The following GUCY2C variants were observed in gnomAD, a reference collection of about 807,000 sequenced individuals.
GUCY2C encodes the protein guanylate cyclase 2C.
In GUCY2C, 118 loss-of-function variants were observed where a neutral mutation model predicts 131.1. The ratio of observed to expected loss-of-function variants is 0.90; its 90% confidence interval spans 0.78 to 1.05. The LOEUF is 1.05. Among genes scored for constraint, GUCY2C ranks in the 50% least tolerant of loss-of-function variants. The probability of loss-of-function intolerance (pLI) is 0.00; values close to 1 mark genes in which losing one functional copy is unlikely to be tolerated. For missense variants in GUCY2C, 1,161 were observed against 1,304.4 expected (o/e 0.89, Z 1.69); for synonymous variants, 452 against 457.8 (o/e 0.99, Z 0.16).
At chr12:14,685,305 G>T (rs1042665452) in intron 3 of GUCY2C, among the ~76,000 whole-genome samples, 2 of 152,180 alleles carry the variant, frequency 1.3e-5, no homozygotes, top group Admixed American at 6.5e-5. Context: ...CTGAAAAAGT[G>T]CTCAGTGAAC....
At position 14,696,243 on chromosome 12, in the gene GUCY2C, A is replaced by G; in HGVS notation, c.206T>C (p.Leu69Pro). ...TAACATTTTCTTACCAGCATTTTGC[A>G]GACGTCCTCTCACTATTTCCAGCCC... ...NEGLEIVRGR[L>P]QNAGLNVTVN... is the part of the protein sequence containing the mutation. The change falls in exon 1 of 27, where the codon CTG (leucine) becomes CCG (proline). Residue 69 changes from leucine to proline, a missense_variant. Transcript: ENST00000261170. 1.2e-6 allele frequency: 2 copies of G among 1,613,194 alleles called. No individual in the cohort carries two copies. The highest frequency in any genetic ancestry group is 1.7e-6 in the Non-Finnish European group (2 of 1,179,108).
chr12:14,619,345 A>G (rs1279647461), intron 23 of GUCY2C, 36 bp from the exon 24 acceptor site: 1 of 1,332,010 alleles, frequency 7.5e-7, no homozygotes, highest in Admixed American at 1.7e-5. Context: ...AGTGGAGGCA[A>G]TAGAAATTGC....
At chr12:14,667,046 T>C (rs1947996432) in intron 10 of GUCY2C, among the ~76,000 whole-genome samples, 2 of 152,110 alleles carry the variant, frequency 1.3e-5, no homozygotes, top group Non-Finnish European at 2.9e-5. Context: ...AGTTCAACCA[T>C]TGAGGAAGTC....
intron 1 of GUCY2C, among the ~76,000 whole-genome samples, chr12:14,689,947 C>T (rs918627402): frequency 3.9e-5 from 6 of 152,204 alleles, no homozygotes; most frequent in Non-Finnish European, 7.3e-5. Flanking sequence ...AGTTAATTAT[C>T]ATCTATTTTT....
At chr12:14,680,074 G>T (rs1460201867) in intron 5 of GUCY2C, among the ~76,000 whole-genome samples, 1 of 151,864 alleles carries the variant, frequency 6.6e-6, no homozygotes, top group Non-Finnish European at 1.5e-5. Context: ...CAAGTTCAGT[G>T]CTTATTCCAT....
At chr12:14,637,196 CAAA>C (rs3083857) in intron 19 of GUCY2C, among the ~76,000 whole-genome samples, 2 of 123,402 alleles carry the variant, frequency 1.6e-5, no homozygotes, top group Non-Finnish European at 3.3e-5. Context: ...CAATAGCTAC[CAAA>C]AAAAAAAAAA....
chr12:14,624,850 G>A (rs1182387236), intron 21 of GUCY2C, among the ~76,000 whole-genome samples: 1 of 152,188 alleles, frequency 6.6e-6, no homozygotes, highest in Admixed American at 6.5e-5. Context: ...CCACTTGAGT[G>A]ACATTAATGG....
At chr12:14,655,474 G>A (rs1464812020) in intron 12 of GUCY2C, among the ~76,000 whole-genome samples, 1 of 152,192 alleles carries the variant, frequency 6.6e-6, no homozygotes, top group Non-Finnish European at 1.5e-5. Flanking sequence ...TGAGGGGATT[G>A]GAGCCATTAG....
Position 14,643,626 on chromosome 12 carries a change from C to A in GUCY2C, c.1878G>T (p.Met626Ile). 1 of 1,613,578 alleles carries A rather than the reference C, an allele frequency of 6.2e-7. No individual in the cohort carries two copies. The highest frequency in any genetic ancestry group is 1.1e-5 in the South Asian group (1 of 91,060). Residue 626 changes from methionine to isoleucine, a missense_variant, in exon 17 of 27, where the codon ATG (methionine) becomes ATT (isoleucine). By Grantham distance (10) the Met-to-Ile change is conservative. Transcript: ENST00000261170. ...AGCCAAAATCAGTGATCTTCACCACCATTCTACTGTCCACTACGCAGTTGG... is the reference window on the plus strand; with the variant it reads ...AGCCAAAATCAGTGATCTTCACCACAATTCTACTGTCCACTACGCAGTTGG... ...KSTNCVVDSR[M>I]VVKITDFGCN...
intron 15 of GUCY2C, among the ~76,000 whole-genome samples, chr12:14,648,249 C>T (rs368588044): frequency 8.1e-5 from 12 of 148,824 alleles, no homozygotes; most frequent in East Asian, 4.0e-4. Flanking sequence ...CATGAGCCAC[C>T]GCACCTAGCC....
At position 14,684,661 on chromosome 12, in the gene GUCY2C, T is replaced by C. The variant is rs538542959; in HGVS notation, c.396-1404A>G. ...TTCCTTTCCTTTCCTTTCCTTTCCT[T>C]CCTTTTCTTTCTCTCTTTCTCTCTT... On this transcript the variant is annotated intron_variant, in intron 3 of 26. Transcript: ENST00000261170. Among the ~76,000 whole-genome samples the C allele has an allele frequency of 4.8e-5, 7 of 146,448 alleles. No individual in the cohort carries two copies. In the South Asian group the frequency reaches 8.9e-4, roughly 19 times the overall value.
intron 21 of GUCY2C, among the ~76,000 whole-genome samples, chr12:14,622,963 G>A (rs941194642): frequency 1.3e-5 from 2 of 152,204 alleles, no homozygotes; most frequent in Non-Finnish European, 2.9e-5. Flanking sequence ...AAAAGGAAGT[G>A]AGGGCTGACA....
intron 4 of GUCY2C, among the ~76,000 whole-genome samples, chr12:14,682,206 A>G (rs576415186): frequency 6.6e-6 from 1 of 152,050 alleles, no homozygotes; most frequent in African/African-American, 2.4e-5. Flanking sequence ...TCCCCACCCA[A>G]ATATCATCTT....
intron 1 of GUCY2C, among the ~76,000 whole-genome samples, chr12:14,694,256 C>A (rs555222978): frequency 6.6e-6 from 1 of 152,178 alleles, no homozygotes; most frequent in Non-Finnish European, 1.5e-5. Flanking sequence ...GTTCCACTGC[C>A]TTGTTTTAAT....
At chr12:14,655,894 T>C (rs1163358827) in intron 12 of GUCY2C, among the ~76,000 whole-genome samples, 1 of 152,184 alleles carries the variant, frequency 6.6e-6, no homozygotes, top group Non-Finnish European at 1.5e-5. Flanking sequence ...TATTATTACT[T>C]ATAGTTATCT....
intron 9 of GUCY2C, among the ~76,000 whole-genome samples, chr12:14,670,440 A>G (rs1479274196): frequency 6.6e-6 from 1 of 152,196 alleles, no homozygotes; most frequent in Non-Finnish European, 1.5e-5. Flanking sequence ...GTCATTTGCC[A>G]ATGGAAATAT....
Position 14,644,139 on chromosome 12 carries a change from T to C in GUCY2C, c.1798-433A>G, listed in dbSNP as rs74971290. The stretch of plus-strand genomic sequence containing the variant: ...TGCCAGGCTAGATTATTTCCTAAAG[T>C]GGAAGTGGTTTCATCCTATTTTGAA... On this transcript the variant is annotated intron_variant, in intron 16 of 26. Transcript: ENST00000261170. Among the ~76,000 whole-genome samples, 123 of 152,302 alleles carry C rather than the reference T, an allele frequency of 8.1e-4. 1 individual carries two copies. In the East Asian group the frequency reaches 0.02, roughly 25 times the overall value.
At chr12:14,650,081 G>A (rs74070238) in intron 15 of GUCY2C, among the ~76,000 whole-genome samples, 1,933 of 152,092 alleles carry the variant, frequency 0.013, 57 homozygotes, top group African/African-American at 0.044. Flanking sequence ...AGAAGTGAAA[G>A]GCTTGTATGC....
intron 12 of GUCY2C, among the ~76,000 whole-genome samples, chr12:14,653,273 C>A (rs1304367481): frequency 6.6e-6 from 1 of 152,180 alleles, no homozygotes; most frequent in Non-Finnish European, 1.5e-5. Context: ...CTACTTCAAC[C>A]AGGGATTTCC....
Sources: allele counts gnomAD v4.1 joint callset (sites outside exome capture counted in the v4.1 genomes callset), GRCh38; gene constraint gnomAD v4.1.1; transcripts MANE v1.5; gene names NCBI Gene and HGNC (gene_info 2026-07-23, HGNC 2026-07-21).